ERI1: variants seen among roughly 807,000 people sequenced by gnomAD.
ERI1 encodes the protein 3'-5' exoribonuclease 1.
A neutral mutation model predicts 39.7 loss-of-function variants in ERI1; 39 were observed. That is an observed-to-expected ratio of 0.98 (90% CI 0.76 to 1.28). The LOEUF (loss-of-function observed/expected upper bound fraction) is 1.28, where lower values mean the gene tolerates loss of function less well. Ranked by LOEUF, ERI1 falls within the 50% of genes most tolerant of loss-of-function variation. ERI1 has a pLI of 0.00. For missense variants in ERI1, 581 were observed against 416.9 expected (o/e 1.39, Z -3.43); for synonymous variants, 204 against 149.6 (o/e 1.36, Z -2.65).
rs556702690 is a variant in ERI1, at chr8:9,007,935, CTTTTTTTTTTTTTTTTTTTT to C, written c.109-25_109-6del. On this transcript the variant is annotated splice_polypyrimidine_tract_variant and intron_variant, in intron 1 of 6. Transcript: ENST00000250263. ...GTTTGTACTAATTATAAACTACATC[CTTTTTTTTTTTTTTTTTTTT>C]TTTTTTTTTGGTAGGAAACTCAACA... 3 of 959,464 alleles carry C rather than the reference CTTTTTTTTTTTTTTTTTTTT, an allele frequency of 3.1e-6. No individual in the cohort carries two copies. Among genetic ancestry groups the C allele is most frequent in the South Asian group, 1.7e-5 (1 of 57,474 alleles). The allele number at this position is 959,464 out of a possible 1,614,324, so 59.4% of individuals were successfully genotyped here. A position where few individuals can be genotyped will look rare whatever the true frequency, so the allele number is the denominator to read the frequency against.
chr8:9,085,316 C>T (rs370386480), intron 3 of ERI1, among the ~76,000 whole-genome samples: 3 of 152,122 alleles, frequency 2.0e-5, no homozygotes, highest in Non-Finnish European at 4.4e-5. Context: ...TCAAGTGATT[C>T]TCCTGCTTCA....
At chr8:9,008,178 AAGT>A (rs778775552) in intron 2 of ERI1, 30 bp downstream of exon 2, 4 of 1,477,652 alleles carry the variant, frequency 2.7e-6, no homozygotes, top group Admixed American at 2.3e-5. Context: ...AAAATTATAA[AAGT>A]AGTACATGCT....
At chr8:9,089,309 T>G (rs891404244) in intron 3 of ERI1, among the ~76,000 whole-genome samples, 1 of 152,216 alleles carries the variant, frequency 6.6e-6, no homozygotes, top group East Asian at 1.9e-4. Flanking sequence ...CTTGCTGTGT[T>G]GCCCAGGCTG....
intron 1 of ERI1, among the ~76,000 whole-genome samples, chr8:9,005,589 G>T (rs57693332): frequency 6.8e-6 from 1 of 147,302 alleles, no homozygotes; most frequent in African/African-American, 2.5e-5. Context: ...GTCTCGGCTC[G>T]CTGCAAGCTC....
chr8:9,004,220 A>G (rs1356380746), intron 1 of ERI1: 1 of 1,269,158 alleles, frequency 7.9e-7, no homozygotes, highest in South Asian at 1.3e-5. Flanking sequence ...GAGTACTTGC[A>G]CATCCCTTCT....
intron 3 of ERI1, among the ~76,000 whole-genome samples, chr8:9,013,658 T>G (rs754389975): frequency 6.6e-6 from 1 of 152,184 alleles, no homozygotes; most frequent in Non-Finnish European, 1.5e-5. Flanking sequence ...AAATCCAGAT[T>G]GCTTATTTGA....
In ERI1 at chr8:9,010,213, C is replaced by T. The variant is rs368164227; in HGVS notation, c.288-1329C>T. On this transcript the variant is annotated intron_variant, in intron 2 of 6. Coordinates refer to ENST00000250263, the MANE Select transcript of ERI1 (RefSeq NM_153332.4). ...GATGTTAAAGATAGCAGGTTTCTAT[C>T]CAGAGCAACTAGTTGTATGTTTGTC... Among the ~76,000 whole-genome samples, 13 of 152,268 alleles carry T rather than the reference C, an allele frequency of 8.5e-5. No homozygotes were observed. The East Asian group carries it at 1.9e-3, about 23-fold the overall frequency.
intron 3 of ERI1, among the ~76,000 whole-genome samples, chr8:9,046,338 G>A (rs779866732): frequency 3.3e-5 from 5 of 152,226 alleles, no homozygotes; most frequent in Non-Finnish European, 5.9e-5. Flanking sequence ...AGTCAGCAGA[G>A]AGAGACATGA....
At chr8:9,015,916 T>G (rs961350209) in intron 3 of ERI1, among the ~76,000 whole-genome samples, 1 of 152,126 alleles carries the variant, frequency 6.6e-6, no homozygotes, top group African/African-American at 2.4e-5. Flanking sequence ...AGAAAAATAG[T>G]TTAAAGCTAA....
intron 6 of ERI1, among the ~76,000 whole-genome samples, chr8:9,027,470 ATAAGGTTTTTAATGTTGATGAAGTC>A (rs1456124985): frequency 1.3e-5 from 2 of 152,092 alleles, no homozygotes; most frequent in African/African-American, 4.8e-5. Flanking sequence ...GTCTTTAGTA[ATAAGGTTTTTAATGTTGATGAAGTC>A]TACTTTATTT....
chr8:9,092,539 C>G (rs1011078301), intron 3 of ERI1, among the ~76,000 whole-genome samples: 1 of 152,178 alleles, frequency 6.6e-6, no homozygotes, highest in Non-Finnish European at 1.5e-5. Flanking sequence ...GGGAACATCA[C>G]TGAAGATTAC....
chr8:9,079,016 C>G (rs1265723013), intron 3 of ERI1, among the ~76,000 whole-genome samples: 2 of 151,922 alleles, frequency 1.3e-5, no homozygotes, highest in African/African-American at 4.8e-5. Flanking sequence ...TGTTGTCTTA[C>G]CTGGAAGGCA....
Position 9,029,939 on chromosome 8 carries a change from A to G in ERI1, c.955A>G (p.Asn319Asp). 6.2e-7 allele frequency: 1 copy of G among 1,614,198 alleles called. No individual in the cohort carries two copies. The highest frequency in any genetic ancestry group is 8.5e-7 in the Non-Finnish European group (1 of 1,180,040). The change falls in exon 7 of 7, where the codon AAC becomes GAC. Residue 319 changes from asparagine (N) to aspartate (D), a missense_variant. Coordinates refer to ENST00000250263, the MANE Select transcript of ERI1 (RefSeq NM_153332.4). ...TCAGGATGGGTGTGAACTCCGAATC[A>G]ACGAGAAAATGCATGCAGGACAGCT... ...MLQDGCELRINEKMHAGQLMS... is the reference protein window; with the variant it reads ...MLQDGCELRIDEKMHAGQLMS...
intron 3 of ERI1, among the ~76,000 whole-genome samples, chr8:9,086,448 G>A (rs142869888): frequency 1.1e-3 from 170 of 152,168 alleles, no homozygotes; most frequent in African/African-American, 3.9e-3. Context: ...TACTCTGGAG[G>A]CTGAGGTGGG....
intron 3 of ERI1, among the ~76,000 whole-genome samples, chr8:9,055,586 C>A (rs999284764): frequency 1.3e-5 from 2 of 152,176 alleles, no homozygotes; most frequent in African/African-American, 4.8e-5. Flanking sequence ...GTCGCCTAGA[C>A]TGGAGTGCAG....
intron 3 of ERI1, among the ~76,000 whole-genome samples, chr8:9,012,953 C>T (rs1816823711): frequency 6.6e-6 from 1 of 152,068 alleles, no homozygotes. Context: ...CCCATCATTC[C>T]ACTAAAATCA....
downstream of ERI1, among the ~76,000 whole-genome samples, chr8:9,035,397 G>A (rs1797810525): frequency 6.6e-6 from 1 of 152,206 alleles, no homozygotes; most frequent in African/African-American, 2.4e-5. Flanking sequence ...GGTTTAAGTT[G>A]AAGTCAGTGT....
intron 3 of ERI1, among the ~76,000 whole-genome samples, chr8:9,065,990 C>CG (rs1798862916): frequency 6.6e-6 from 1 of 152,214 alleles, no homozygotes; most frequent in Non-Finnish European, 1.5e-5. Context: ...GAATAGGTCA[C>CG]GGCCGCCTTT....
chr8:9,010,790 C>G (rs1816585912), intron 2 of ERI1, among the ~76,000 whole-genome samples: 1 of 152,130 alleles, frequency 6.6e-6, no homozygotes, highest in African/African-American at 2.4e-5. Context: ...TCACTGTTAT[C>G]TGTTAGGATG....
Sources: allele counts gnomAD v4.1 joint callset (sites outside exome capture counted in the v4.1 genomes callset), GRCh38; gene constraint gnomAD v4.1.1; transcripts MANE v1.5; gene names NCBI Gene and HGNC (gene_info 2026-07-23, HGNC 2026-07-21).